DLGAP2: variants seen among roughly 807,000 people sequenced by gnomAD.
The protein encoded by DLGAP2 is disks large-associated protein 2.
DLGAP2 carries 26 observed loss-of-function variants against 100.3 expected under a neutral mutation model. That is an observed-to-expected ratio of 0.26 (90% CI 0.19 to 0.36). The LOEUF is 0.36. DLGAP2 is among the 10% of genes least tolerant of loss of function. The pLI is 1.00. For synonymous variants in DLGAP2, 886 were observed against 630.1 expected (o/e 1.41, Z -6.08); for missense variants, 1,858 against 1,453.2 (o/e 1.28, Z -4.53).
chr8:1,456,211 C>T (rs1412557761), intron 3 of DLGAP2, among the ~76,000 whole-genome samples: 1 of 152,160 alleles, frequency 6.6e-6, no homozygotes, highest in Non-Finnish European at 1.5e-5. Flanking sequence ...AAACAGGACG[C>T]CCTAGTCTCT....
intron 2 of DLGAP2, among the ~76,000 whole-genome samples, chr8:1,065,297 C>T (rs773398612): frequency 3.9e-5 from 6 of 152,300 alleles, no homozygotes; most frequent in Non-Finnish European, 5.9e-5. Flanking sequence ...TTCAAGATAA[C>T]AACTGGCAGT....
intron 3 of DLGAP2, chr8:1,297,282 A>G (rs369991433): frequency 1.5e-4 from 23 of 152,394 alleles, no homozygotes; most frequent in African/African-American, 4.6e-4. Context: ...ATGTAAACGT[A>G]CGTCAGAAAA....
chr8:1,361,458 TC>T (rs1206142485), intron 3 of DLGAP2, among the ~76,000 whole-genome samples: 2 of 152,242 alleles, frequency 1.3e-5, no homozygotes, highest in Non-Finnish European at 2.9e-5. Flanking sequence ...CTGTAGTTTT[TC>T]CCCTTATCTT....
At chr8:1,648,179 A>G (rs184703446) in intron 8 of DLGAP2, among the ~76,000 whole-genome samples, 2 of 152,288 alleles carry the variant, frequency 1.3e-5, no homozygotes, top group African/African-American at 4.8e-5. Flanking sequence ...TTCCTTTTCT[A>G]TTGAGAGTTT....
intron 3 of DLGAP2, among the ~76,000 whole-genome samples, chr8:1,336,404 G>T (rs1024713229): frequency 2.0e-5 from 3 of 152,110 alleles, no homozygotes; most frequent in Admixed American, 2.0e-4. Context: ...GAAAGGCACC[G>T]TGCATCCACA....
At chr8:770,335 C>A (rs1821325519) in intron 1 of DLGAP2, among the ~76,000 whole-genome samples, 1 of 152,114 alleles carries the variant, frequency 6.6e-6, no homozygotes, top group Admixed American at 6.5e-5. Context: ...CTCCGCCTCC[C>A]ACCCTGGGGA....
At chr8:1,594,197 G>A (rs1796375169) in intron 6 of DLGAP2, among the ~76,000 whole-genome samples, 1 of 152,112 alleles carries the variant, frequency 6.6e-6, no homozygotes, top group African/African-American at 2.4e-5. Flanking sequence ...CACCAGTGCG[G>A]AAAGTCAAGG....
chr8:1,523,953 C>T (rs1362475169), intron 4 of DLGAP2, among the ~76,000 whole-genome samples: 1 of 152,204 alleles, frequency 6.6e-6, no homozygotes, highest in Non-Finnish European at 1.5e-5. Flanking sequence ...GGAAAACAAA[C>T]ATCTGAGGTC....
At position 1,702,370 on chromosome 8, in the gene DLGAP2, A is replaced by C. The variant is rs79494401; in HGVS notation, c.*964A>C. Reference sequence around the variant, plus strand: ...ACTTTTCAGGGTATCCTTAAAAAAAAACACACACGAAAAACAAAAGTTTGC... The same window carrying C: ...ACTTTTCAGGGTATCCTTAAAAAAACACACACACGAAAAACAAAAGTTTGC... On this transcript the variant is annotated 3_prime_UTR_variant, in exon 15 of 15. Coordinates refer to ENST00000637795, the MANE Select transcript of DLGAP2 (RefSeq NM_001346810.2). The C allele has an allele frequency of 0.014, 2,165 of 152,394 alleles. 72 individuals are homozygous for C. Among genetic ancestry groups the C allele is most frequent in the East Asian group, 0.1 (532 of 5,166 alleles). The allele number at this position is 152,394 out of a possible 1,614,324, so 9.4% of individuals were successfully genotyped here.
At chr8:887,536 C>T (rs1186491838) in intron 1 of DLGAP2, among the ~76,000 whole-genome samples, 1 of 152,096 alleles carries the variant, frequency 6.6e-6, no homozygotes, top group African/African-American at 2.4e-5. Flanking sequence ...ATATTTAGTG[C>T]TTCTTTCAGG....
intron 6 of DLGAP2, among the ~76,000 whole-genome samples, chr8:1,585,364 C>T (rs1285388561): frequency 7.1e-5 from 9 of 125,934 alleles, no homozygotes; most frequent in African/African-American, 2.2e-4. Flanking sequence ...CCCAGGTGGC[C>T]GAGCCAGGAG....
In DLGAP2 at chr8:1,315,319, G is replaced by C. The variant is rs1436706252; in HGVS notation, c.106+56436G>C. 2.0e-5 allele frequency among the ~76,000 whole-genome samples: 3 copies of C among 148,438 alleles called. 1 individual carries two copies. The highest frequency in any genetic ancestry group is 3.0e-5 in the Non-Finnish European group (2 of 66,770). On this transcript the variant is annotated intron_variant, in intron 3 of 14. Transcript: ENST00000637795. ...CGAGTGCAGCGTCTCTCCAACATTG[G>C]TCTACACTCGAGAAACTCGGCAGCG...
intron 3 of DLGAP2, among the ~76,000 whole-genome samples, chr8:1,267,990 A>G (rs184678900): frequency 1.3e-5 from 2 of 152,366 alleles, no homozygotes; most frequent in East Asian, 3.9e-4. Flanking sequence ...GTGAAGCCAC[A>G]GCTATTCAAT....
At position 1,191,461 on chromosome 8, in the gene DLGAP2, C is replaced by T. The variant is rs540841660; in HGVS notation, c.74-67390C>T. Among the ~76,000 whole-genome samples, 23 of 152,304 alleles carry T rather than the reference C, an allele frequency of 1.5e-4. No individual in the cohort carries two copies. The East Asian group carries it at 1.7e-3, about 12-fold the overall frequency. On this transcript the variant is annotated intron_variant, in intron 2 of 14. Coordinates refer to ENST00000637795, the MANE Select transcript of DLGAP2 (RefSeq NM_001346810.2). The stretch of plus-strand genomic sequence containing the variant: ...CGGGGATTATAGGCGTGAGCCACCG[C>T]GCCCAGCCGATACGTTTTATCTATA...
At chr8:1,588,738 TAAAAAAAAAA>T (rs11358700) in intron 6 of DLGAP2, among the ~76,000 whole-genome samples, 2 of 91,474 alleles carry the variant, frequency 2.2e-5, no homozygotes, top group African/African-American at 4.4e-5. Context: ...CTGTCTTTAC[TAAAAAAAAAA>T]AAAAAAAAAA....
intron 3 of DLGAP2, among the ~76,000 whole-genome samples, chr8:1,327,321 C>T (rs575168195): frequency 1.3e-5 from 2 of 152,368 alleles, no homozygotes; most frequent in South Asian, 4.1e-4. Context: ...ACACCTGTGG[C>T]TCCACGGGGA....
chr8:859,537 A>G (rs1585941855), intron 1 of DLGAP2, among the ~76,000 whole-genome samples: 1 of 152,070 alleles, frequency 6.6e-6, no homozygotes. Context: ...GGCTTAGTTT[A>G]TTTCTACAAC....
In DLGAP2 at chr8:1,463,233, G is replaced by A. The variant is rs570501136; in HGVS notation, c.107-38133G>A. Among the ~76,000 whole-genome samples, 8 of 152,262 alleles carry A rather than the reference G, an allele frequency of 5.3e-5. No individual in the cohort carries two copies. In the South Asian group the frequency reaches 1.2e-3, roughly 24 times the overall value. On this transcript the variant is annotated intron_variant, in intron 3 of 14. Transcript: ENST00000637795. ...CATTGCACTCCAGCCTGGGTGACAG[G>A]GCAAGAATCTGTCTCAAAAAAACAA...
chr8:862,735 A>G (rs1044352407), intron 1 of DLGAP2, among the ~76,000 whole-genome samples: 18 of 152,328 alleles, frequency 1.2e-4, no homozygotes, highest in African/African-American at 3.8e-4. Flanking sequence ...AGGTGTTTTG[A>G]GTCCAGTTGG....
Sources: gnomAD v4.1 joint callset for allele counts (sites outside exome capture counted in the v4.1 genomes callset) on GRCh38, gnomAD v4.1.1 for gene constraint, MANE v1.5 for transcripts, NCBI Gene and HGNC (gene_info 2026-07-23, HGNC 2026-07-21) for gene names.